POLR2F: variants seen among roughly 807,000 people sequenced by gnomAD.
The protein encoded by POLR2F is RNA polymerase II, I and III subunit F.
In POLR2F, 12 loss-of-function variants were observed where a neutral mutation model predicts 22.7. That is an observed-to-expected ratio of 0.53 (90% CI 0.34 to 0.86). POLR2F has a LOEUF of 0.86. Among genes scored for constraint, POLR2F ranks in the 40% least tolerant of loss-of-function variants. POLR2F has a pLI of 0.02. For synonymous variants in POLR2F, 57 were observed against 66.0 expected, an observed-to-expected ratio of 0.86 and a Z score of 0.66; for missense variants, 126 against 171.5, an observed-to-expected ratio of 0.73 and a Z score of 1.48.
chr22:37,976,206 G>A (rs1382387185), intron 4 of POLR2F, among the ~76,000 whole-genome samples: 1 of 152,150 alleles, frequency 6.6e-6, no homozygotes, highest in Non-Finnish European at 1.5e-5. Flanking sequence ...CTGGGCAACA[G>A]AGCAAGACTC....
chr22:37,971,041 C>T (rs1467277206), downstream of POLR2F: 1 of 340,054 alleles, frequency 2.9e-6, no homozygotes, highest in Non-Finnish European at 5.8e-6. Flanking sequence ...GGGGACTGGG[C>T]TACTTCTTGG....
intron 1 of POLR2F, among the ~76,000 whole-genome samples, chr22:38,002,768 C>CA (rs1290455892): frequency 6.6e-6 from 1 of 151,682 alleles, no homozygotes. Context: ...CTCTATCGCC[C>CA]AGGCTGGAGT....
At chr22:37,963,455 A>G (rs1931730383) in intron 3 of POLR2F, among the ~76,000 whole-genome samples, 1 of 152,246 alleles carries the variant, frequency 6.6e-6, no homozygotes. Context: ...ACACGTGGCT[A>G]ATGTCTTAAT....
chr22:37,968,684 G>A lies in POLR2F; in HGVS notation c.*969G>A. ...GGAGGGTGTATATTGACATGAACAG[G>A]GATAGAGGGTAAACTGGCTCCCTGA... On this transcript the variant is annotated 3_prime_UTR_variant, in exon 5 of 5. Coordinates refer to ENST00000442738, the MANE Select transcript of POLR2F (RefSeq NM_021974.5). The A allele has an allele frequency of 1.0e-6, 1 of 985,434 alleles. No homozygotes were observed. Among genetic ancestry groups the A allele is most frequent in the Non-Finnish European group, 1.2e-6 (1 of 829,936 alleles). 61.0% of individuals were successfully genotyped at this position (985,434 alleles called of 1,614,324 possible). A position where few individuals can be genotyped will look rare whatever the true frequency, so the allele number is the denominator to read the frequency against.
upstream of POLR2F, among the ~76,000 whole-genome samples, chr22:37,981,766 T>G (rs1185897929): frequency 6.6e-6 from 1 of 152,130 alleles, no homozygotes; most frequent in East Asian, 1.9e-4. Context: ...GGATGGACCT[T>G]GGGTGGAGGA....
At chr22:38,022,425 C>T (rs2084967615) in intron 1 of POLR2F, among the ~76,000 whole-genome samples, 1 of 151,450 alleles carries the variant, frequency 6.6e-6, no homozygotes, top group Non-Finnish European at 1.5e-5. Context: ...GTGCCACATG[C>T]CTGTAATCCC....
chr22:38,040,482 G>C (rs1351928406), intron 5 of POLR2F: 1 of 153,872 alleles, frequency 6.5e-6, no homozygotes, highest in Non-Finnish European at 1.4e-5. Flanking sequence ...GACCAAGGGT[G>C]GCCTGGGAAG....
chr22:38,039,197 G>A (rs770503323), intron 5 of POLR2F, among the ~76,000 whole-genome samples: 5 of 152,202 alleles, frequency 3.3e-5, no homozygotes, highest in African/African-American at 1.2e-4. Flanking sequence ...GCTCCCACCC[G>A]TGGGAAGCAC....
chr22:37,953,755 G>A lies in POLR2F; in HGVS notation c.-33G>A, dbSNP rs563651317. 9 of 1,603,028 alleles carry A rather than the reference G, an allele frequency of 5.6e-6. No individual in the cohort carries two copies. In the Admixed American group the frequency reaches 1.0e-4, roughly 18 times the overall value. On this transcript the variant is annotated 5_prime_UTR_variant, in exon 1 of 5. Transcript: ENST00000442738. ...TGTTTGCGGGTCTCCGCGCGGGACC[G>A]GGGCGCAGCGGGGTCGCTGAGGCGA... is the stretch of plus-strand genomic sequence containing the variant.
chr22:38,036,157 A>C (rs2085114471), intron 5 of POLR2F, among the ~76,000 whole-genome samples: 1 of 151,636 alleles, frequency 6.6e-6, no homozygotes, highest in South Asian at 2.1e-4. Context: ...TTGTATTTTT[A>C]GTAGAGACGG....
chr22:38,017,199 T>C lies in POLR2F; in HGVS notation c.121-8670T>C, dbSNP rs2145816459. 6.6e-6 allele frequency among the ~76,000 whole-genome samples: 1 copy of C among 152,208 alleles called. No homozygotes were observed. Among genetic ancestry groups the C allele is most frequent in the African/African-American group, 2.4e-5 (1 of 41,522 alleles). ...GGGTGCCTAAAGCCTGCAAAACTGG[T>C]GTGCTGGGGAAGAAAGGCTCCTCTG... On this transcript the variant is annotated intron_variant, in intron 1 of 2. Coordinates refer to the POLR2F transcript ENST00000333418. The surrounding 1 kb of genome is among the most constrained non-coding windows in gnomAD (Gnocchi z 4.1).
At chr22:37,994,849 C>G (rs1437414532) in intron 1 of POLR2F, among the ~76,000 whole-genome samples, 1 of 151,962 alleles carries the variant, frequency 6.6e-6, no homozygotes, top group African/African-American at 2.4e-5. Flanking sequence ...ACAATGTTAC[C>G]CAAGCTGGTC....
rs1039057296 is a variant in POLR2F at position 37,997,254 on chromosome 22, C to T, written c.120+10942C>T. ...CTTTCTCCCTTCTTTTCCACTTCGG[C>T]CTCCACCTTGTTTCTTTCTCTGTCC... On this transcript the variant is annotated intron_variant, in intron 1 of 2. Coordinates refer to the POLR2F transcript ENST00000333418. This position sits in a 1 kb window ranked among gnomAD's most constrained non-coding sequence, Gnocchi z 4.4. 2.6e-5 allele frequency among the ~76,000 whole-genome samples: 4 copies of T among 152,110 alleles called. No individual in the cohort carries two copies. Among genetic ancestry groups the T allele is most frequent in the East Asian group, 3.9e-4 (2 of 5,180 alleles).
At chr22:38,027,386 G>T (rs1007721154), downstream of POLR2F, among the ~76,000 whole-genome samples, 1 of 152,120 alleles carries the variant, frequency 6.6e-6, no homozygotes, top group Admixed American at 6.5e-5. Context: ...CCCATGTGGG[G>T]CAGGGGTCAA....
At chr22:38,004,312 A>T (rs1441668879) in intron 1 of POLR2F, among the ~76,000 whole-genome samples, 1 of 152,166 alleles carries the variant, frequency 6.6e-6, no homozygotes, top group Non-Finnish European at 1.5e-5. Flanking sequence ...CCGGTGAAAA[A>T]TGATGACAAC....
downstream of POLR2F, chr22:37,973,931 C>G: frequency 1.2e-6 from 2 of 1,610,468 alleles, no homozygotes; most frequent in Non-Finnish European, 1.7e-6. Flanking sequence ...GGCCAGGGCA[C>G]TGCCCAGCCC....
At chr22:37,956,652 A>G (rs1313814612) in intron 1 of POLR2F, 121 bp from the exon 2 acceptor site, 2 of 769,216 alleles carry the variant, frequency 2.6e-6, no homozygotes, top group Non-Finnish European at 4.5e-6. Context: ...CCTGGCCTCA[A>G]GTGATCCGCC....
At chr22:37,972,546 T>C, downstream of POLR2F, 1 of 258,882 alleles carries the variant, frequency 3.9e-6, no homozygotes, top group Non-Finnish European at 7.6e-6. Flanking sequence ...GTCAGGATTC[T>C]AGTGTCTTCA....
intron 1 of POLR2F, among the ~76,000 whole-genome samples, chr22:38,020,204 T>TACACACAC (rs1336670749): frequency 5.3e-4 from 48 of 91,054 alleles, no homozygotes; most frequent in African/African-American, 1.4e-3. Flanking sequence ...CACACACATA[T>TACACACAC]ATACACACAC....
Sources: allele counts gnomAD v4.1 joint callset (sites outside exome capture counted in the v4.1 genomes callset), GRCh38; gene constraint gnomAD v4.1.1; non-coding constraint Gnocchi (gnomAD v3.1); transcripts MANE v1.5; gene names NCBI Gene and HGNC (gene_info 2026-07-23, HGNC 2026-07-21).